C16orf95: variants seen among roughly 807,000 people sequenced by gnomAD.
C16orf95 encodes uncharacterized protein C16orf95.
C16orf95 carries 41 observed loss-of-function variants against 32.1 expected under a neutral mutation model. The ratio of observed to expected loss-of-function variants is 1.28; its 90% CI spans 1.00 to 1.66. The LOEUF (loss-of-function observed/expected upper bound fraction) is 1.66, where lower values mean the gene tolerates loss of function less well. C16orf95 is among the 40% of genes most tolerant of loss of function. The pLI, the probability that C16orf95 is intolerant of heterozygous loss-of-function variation, is 0.00. For missense variants in C16orf95, 399 were observed against 325.9 expected (o/e 1.22, Z -1.73); for synonymous variants, 147 against 128.9 (o/e 1.14, Z -0.95).
At position 87,310,214 on chromosome 16, in the gene C16orf95, G is replaced by T. The variant is rs1044425290; in HGVS notation, c.514+83C>A. The T allele has an allele frequency of 2.9e-6, 4 of 1,358,322 alleles. No individual in the cohort carries two copies. The Admixed American group carries it at 5.9e-5, about 20-fold the overall frequency. 84.1% of individuals were successfully genotyped at this position (1,358,322 alleles called of 1,614,324 possible). ...GTGGGCAGGTGTCTGGTGATGAGAG[G>T]TCTGCCCCCACCATCATGATGCTCA... On this transcript the variant is annotated intron_variant, in intron 5 of 6. Coordinates refer to ENST00000567970, the MANE Select transcript of C16orf95 (RefSeq NM_001195124.3).
chr16:87,303,973 C>G (rs1198436390), intron 6 of C16orf95, among the ~76,000 whole-genome samples: 1 of 152,162 alleles, frequency 6.6e-6, no homozygotes, highest in African/African-American at 2.4e-5. Context: ...TAGCAATTCC[C>G]TTTTGGGCCC....
chr16:87,316,543 C>A (rs377623635), intron 1 of C16orf95, among the ~76,000 whole-genome samples: 17 of 152,280 alleles, frequency 1.1e-4, no homozygotes, highest in African/African-American at 3.6e-4. Flanking sequence ...TAGGTTCACG[C>A]ATCAACTCTC....
At chr16:87,314,415 C>G (rs1020998703) in intron 3 of C16orf95, among the ~76,000 whole-genome samples, 1 of 152,154 alleles carries the variant, frequency 6.6e-6, no homozygotes. Context: ...CAAAAGAGTA[C>G]AAAGTCTATG....
intron 1 of C16orf95, 33 bp downstream of exon 1, chr16:87,317,058 G>A (rs1904372146): frequency 2.0e-6 from 3 of 1,478,006 alleles, no homozygotes; most frequent in Non-Finnish European, 2.7e-6. Flanking sequence ...CGAGGTGTCG[G>A]GTAGCCGCGG....
In C16orf95 at chr16:87,314,982, G is replaced by A; in HGVS notation, c.319C>T (p.Pro107Ser). Residue 107 changes from proline (P) to serine (S), a missense_variant, in exon 3 of 7, where the codon CCC becomes TCC. Coordinates refer to ENST00000567970, the MANE Select transcript of C16orf95 (RefSeq NM_001195124.3). ...LPYWVPLSLR[P>S]RKQSQKTVQF... ...TTCAAGTCACCTACCTGCTTTCGGG[G>A]TCTCAGGGACAGAGGGACCCAGTAA... 3.9e-6 allele frequency: 6 copies of A among 1,536,034 alleles called. No individual in the cohort carries two copies. The highest frequency in any genetic ancestry group is 5.2e-6 in the Non-Finnish European group (6 of 1,146,840).
intron 2 of C16orf95, 135 bp downstream of exon 2, chr16:87,315,637 G>T: frequency 3.0e-6 from 2 of 666,842 alleles, no homozygotes; most frequent in Non-Finnish European, 4.7e-6. Context: ...CCCAGGGATA[G>T]CTCCTGCAAC....
intron 2 of C16orf95, 47 bp from the exon 3 acceptor site, chr16:87,315,143 G>T (rs775128593): frequency 6.5e-7 from 1 of 1,527,122 alleles, no homozygotes; most frequent in Non-Finnish European, 8.8e-7. Context: ...TGCTGCATTT[G>T]CAGGGAGACA....
intron 3 of C16orf95, 115 bp downstream of exon 3, chr16:87,314,856 C>G: frequency 1.1e-6 from 1 of 926,496 alleles, no homozygotes. Flanking sequence ...ATCAAACTGT[C>G]TCCCTGAAAT....
intron 1 of C16orf95, 137 bp downstream of exon 1, chr16:87,316,954 G>C (rs1335086413): frequency 6.0e-6 from 8 of 1,342,696 alleles, no homozygotes; most frequent in Non-Finnish European, 7.7e-6. Context: ...TTGCGTTTTT[G>C]TTAAGCCAAT....
At chr16:87,309,583 T>A (rs1911189298) in intron 5 of C16orf95, among the ~76,000 whole-genome samples, 1 of 151,884 alleles carries the variant, frequency 6.6e-6, no homozygotes, top group Non-Finnish European at 1.5e-5. Context: ...AAGGTTTCAC[T>A]ATGTTGCCCA....
intron 5 of C16orf95, among the ~76,000 whole-genome samples, chr16:87,306,421 A>G (rs1482598857): frequency 6.6e-6 from 1 of 152,180 alleles, no homozygotes; most frequent in African/African-American, 2.4e-5. Flanking sequence ...TCTGGTCAGC[A>G]TGTGATCCTC....
rs1258233952 is a variant in C16orf95, at chr16:87,305,194, G to A, written c.701+525C>T. ...GGTATCCCAGCAGAAAGCCATGGCT[G>A]TGGGCAGCAAGGGTGCCAGGGGCGA... On this transcript the variant is annotated intron_variant, in intron 6 of 6. Coordinates refer to ENST00000567970, the MANE Select transcript of C16orf95 (RefSeq NM_001195124.3). The surrounding 1 kb of genome is among the most constrained non-coding windows in gnomAD (Gnocchi z 4.2). Among the ~76,000 whole-genome samples, 1 of 152,212 alleles carries A rather than the reference G, an allele frequency of 6.6e-6. No individual in the cohort carries two copies. Among genetic ancestry groups the A allele is most frequent in the Non-Finnish European group, 1.5e-5 (1 of 68,040 alleles).
At chr16:87,311,324 T>A (rs1911276415) in intron 3 of C16orf95, 28 bp from the exon 4 acceptor site, 1 of 1,509,262 alleles carries the variant, frequency 6.6e-7, no homozygotes, top group Non-Finnish European at 8.9e-7. Flanking sequence ...AGGAGAAGAT[T>A]CAGAAGGGGA....
chr16:87,314,408 A>G (rs1009977871), intron 3 of C16orf95, among the ~76,000 whole-genome samples: 1 of 152,258 alleles, frequency 6.6e-6, no homozygotes, highest in African/African-American at 2.4e-5. Flanking sequence ...AGCCAGACAA[A>G]AGAGTACAAA....
chr16:87,305,857 C>G lies in C16orf95; in HGVS notation c.563G>C (p.Gly188Ala). The stretch of plus-strand genomic sequence containing the variant: ...GAACTTGGACAACAGGCACTCATCA[C>G]CGCAGATCCGCCAGCAGTTGTGCCA... ...CCWHNCWRIC[G>A]DECLLSKFQQ... The change falls in exon 6 of 7, where the codon GGT (glycine) becomes GCT (alanine). Residue 188 changes from glycine to alanine, a missense_variant. Gly to Ala is a moderately conservative substitution (Grantham distance 60, BLOSUM62 0). Coordinates refer to ENST00000567970, the MANE Select transcript of C16orf95 (RefSeq NM_001195124.3). The surrounding 1 kb of genome is among the most constrained non-coding windows in gnomAD (Gnocchi z 4.2). 1 of 1,454,398 alleles carries G rather than the reference C, an allele frequency of 6.9e-7. No homozygotes were observed. Among genetic ancestry groups the G allele is most frequent in the Non-Finnish European group, 9.0e-7 (1 of 1,108,454 alleles). 90.1% of individuals were successfully genotyped at this position (1,454,398 alleles called of 1,614,324 possible).
At chr16:87,306,885 C>T (rs1339823572) in intron 5 of C16orf95, among the ~76,000 whole-genome samples, 1 of 152,096 alleles carries the variant, frequency 6.6e-6, no homozygotes. Context: ...GTATCAGATA[C>T]CAGATGATGC....
intron 5 of C16orf95, among the ~76,000 whole-genome samples, chr16:87,307,035 T>C (rs1457424073): frequency 6.6e-6 from 1 of 152,142 alleles, no homozygotes; most frequent in African/African-American, 2.4e-5. Flanking sequence ...TGATTATTTG[T>C]TTCCCAAGCA....
chr16:87,311,175 G>A lies in C16orf95; in HGVS notation c.452C>T (p.Pro151Leu), dbSNP rs963830652. ...RDQAVMPYWV[P>L]QVLRSQQQIV... ...CTGCTGCTGAGACCTCAGGACCTGG[G>A]GCACCCAGTAGGGCATCACTGCCTG... The change falls in exon 4 of 7, where the codon CCC becomes CTC. Residue 151 changes from proline to leucine, a missense_variant. Coordinates refer to ENST00000567970, the MANE Select transcript of C16orf95 (RefSeq NM_001195124.3). 8 of 1,533,804 alleles carry A rather than the reference G, an allele frequency of 5.2e-6. No homozygotes were observed. In the East Asian group the frequency reaches 1.2e-4, roughly 23 times the overall value.
In C16orf95 at chr16:87,315,078, C is replaced by T. The variant is rs1904307733; in HGVS notation, c.223G>A (p.Ala75Thr). 2.0e-6 allele frequency: 3 copies of T among 1,535,954 alleles called. No individual in the cohort carries two copies. Among genetic ancestry groups the T allele is most frequent in the South Asian group, 2.4e-5 (2 of 84,062 alleles). ...PRHSMHPGPWAICCECQTRFG... is the reference protein window; with the variant it reads ...PRHSMHPGPWTICCECQTRFG... The stretch of plus-strand genomic sequence containing the variant: ...CTGGTCTGGCATTCACAGCAGATGG[C>T]CCAGGGGCCAGGGTGCATCTGAGTA... The change falls in exon 3 of 7, where the codon GCC becomes ACC. Residue 75 changes from alanine to threonine, a missense_variant. Ala to Thr is a moderately conservative substitution (Grantham distance 58). Transcript: ENST00000567970.
Sources: allele counts gnomAD v4.1 joint callset (sites outside exome capture counted in the v4.1 genomes callset), GRCh38; gene constraint gnomAD v4.1.1; non-coding constraint Gnocchi (gnomAD v3.1); transcripts MANE v1.5; gene names NCBI Gene and HGNC (gene_info 2026-07-23, HGNC 2026-07-21).